MGMT: variants seen among roughly 807,000 people sequenced by gnomAD.
MGMT encodes the protein methylated-DNA--protein-cysteine methyltransferase.
MGMT carries 14 observed loss-of-function variants against 15.9 expected under a neutral mutation model. The observed-to-expected ratio is 0.88, with a 90% CI of 0.58 to 1.37. The LOEUF (loss-of-function observed/expected upper bound fraction) is 1.37, where lower values mean the gene tolerates loss of function less well. Among genes scored for constraint, MGMT ranks in the 40% most tolerant of loss-of-function variants. The pLI is 0.00. For synonymous variants in MGMT, 130 were observed against 118.2 expected (o/e 1.10, Z -0.65); for missense variants, 282 against 268.1 (o/e 1.05, Z -0.36).
At chr10:129,634,024 G>A (rs1197208932) in intron 2 of MGMT, among the ~76,000 whole-genome samples, 1 of 152,068 alleles carries the variant, frequency 6.6e-6, no homozygotes, top group Non-Finnish European at 1.5e-5. Flanking sequence ...CTTTCTCATT[G>A]CACTGGTCTA....
intron 3 of MGMT, among the ~76,000 whole-genome samples, chr10:129,709,163 G>T (rs1848202242): frequency 6.6e-6 from 1 of 152,188 alleles, no homozygotes; most frequent in South Asian, 2.1e-4. Flanking sequence ...GGGCAGATAG[G>T]AAGCTAGAGT....
chr10:129,681,346 A>G (rs539829028), intron 2 of MGMT, among the ~76,000 whole-genome samples: 1 of 152,146 alleles, frequency 6.6e-6, no homozygotes, highest in Non-Finnish European at 1.5e-5. Context: ...GCAGCACGCC[A>G]TGTTTCCGTC....
intron 1 of MGMT, among the ~76,000 whole-genome samples, chr10:129,528,509 G>A (rs1181986342): frequency 6.6e-6 from 1 of 151,976 alleles, no homozygotes; most frequent in African/African-American, 2.4e-5. Context: ...AGTGTGAGGG[G>A]CAGTGGCGGG....
chr10:129,597,758 G>C (rs1039131203), intron 2 of MGMT, among the ~76,000 whole-genome samples: 7 of 152,178 alleles, frequency 4.6e-5, no homozygotes, highest in African/African-American at 1.7e-4. Context: ...CTATTGAGTA[G>C]AGACCTCACA....
At chr10:129,541,791 C>CA (rs1487206779) in intron 2 of MGMT, among the ~76,000 whole-genome samples, 2 of 152,224 alleles carry the variant, frequency 1.3e-5, no homozygotes, top group African/African-American at 4.8e-5. Context: ...GGGGACTACA[C>CA]ACAGACTGTC....
At chr10:129,468,448 G>T (rs1160322549) in intron 1 of MGMT, among the ~76,000 whole-genome samples, 1 of 152,092 alleles carries the variant, frequency 6.6e-6, no homozygotes, top group Non-Finnish European at 1.5e-5. Context: ...GCTCTGCCGC[G>T]TGTCTTTCTT....
intron 2 of MGMT, among the ~76,000 whole-genome samples, chr10:129,693,523 C>T (rs1233140415): frequency 6.6e-6 from 1 of 152,144 alleles, no homozygotes; most frequent in African/African-American, 2.4e-5. Flanking sequence ...CATGTCCAGG[C>T]AGTAGGTGGA....
intron 3 of MGMT, among the ~76,000 whole-genome samples, chr10:129,719,802 C>T (rs989102796): frequency 2.0e-5 from 3 of 152,218 alleles, no homozygotes; most frequent in African/African-American, 4.8e-5. Flanking sequence ...ACACCCTTTC[C>T]GAGCCTCTGA....
At chr10:129,499,694 A>G (rs763096490) in intron 1 of MGMT, among the ~76,000 whole-genome samples, 4 of 152,228 alleles carry the variant, frequency 2.6e-5, no homozygotes, top group Non-Finnish European at 5.9e-5. Context: ...TTAAATTTTA[A>G]CATTAAGGGT....
intron 1 of MGMT, among the ~76,000 whole-genome samples, chr10:129,492,860 A>G (rs1401204176): frequency 2.0e-5 from 3 of 152,230 alleles, no homozygotes; most frequent in Admixed American, 2.0e-4. Context: ...TGGAAATGAA[A>G]GTCCATTCTG....
chr10:129,603,744 G>T (rs918695896), intron 2 of MGMT, among the ~76,000 whole-genome samples: 1 of 152,132 alleles, frequency 6.6e-6, no homozygotes, highest in African/African-American at 2.4e-5. Flanking sequence ...GCAGCTTGTC[G>T]GGCACAAAAA....
intron 1 of MGMT, among the ~76,000 whole-genome samples, chr10:129,505,561 G>A (rs957719819): frequency 6.6e-5 from 10 of 152,200 alleles, no homozygotes; most frequent in Admixed American, 1.3e-4. Context: ...GTGTGAGCAA[G>A]CTGGTCTTTT....
At chr10:129,598,158 C>T (rs1464760365) in intron 2 of MGMT, among the ~76,000 whole-genome samples, 1 of 152,148 alleles carries the variant, frequency 6.6e-6, no homozygotes, top group Non-Finnish European at 1.5e-5. Flanking sequence ...GTTCTCATGC[C>T]CAGCCTCAGG....
intron 1 of MGMT, among the ~76,000 whole-genome samples, chr10:129,513,653 T>G (rs1175110993): frequency 6.6e-6 from 1 of 152,186 alleles, no homozygotes; most frequent in Non-Finnish European, 1.5e-5. Context: ...ATCCTGGCCT[T>G]GGTGTTCAGC....
chr10:129,673,272 C>T (rs1173647220), intron 2 of MGMT, among the ~76,000 whole-genome samples: 2 of 151,960 alleles, frequency 1.3e-5, no homozygotes, highest in Non-Finnish European at 2.9e-5. Context: ...AAGCTGAGTT[C>T]AAATCCCACA....
intron 2 of MGMT, among the ~76,000 whole-genome samples, chr10:129,569,906 A>T (rs1846397813): frequency 6.6e-6 from 1 of 152,188 alleles, no homozygotes; most frequent in Non-Finnish European, 1.5e-5. Context: ...ATTCACACAA[A>T]CATTTGTTTT....
At chr10:129,714,434 A>T (rs1848269900) in intron 3 of MGMT, among the ~76,000 whole-genome samples, 1 of 152,224 alleles carries the variant, frequency 6.6e-6, no homozygotes, top group Admixed American at 6.5e-5. Flanking sequence ...TTCAACAATG[A>T]TTCATTCAAG....
intron 1 of MGMT, among the ~76,000 whole-genome samples, chr10:129,525,357 T>C (rs1356391627): frequency 2.6e-5 from 4 of 152,226 alleles, no homozygotes; most frequent in Non-Finnish European, 5.9e-5. Flanking sequence ...ATGGGTGATT[T>C]AAAGACCAGT....
chr10:129,483,514 C>A (rs950267079), intron 1 of MGMT, among the ~76,000 whole-genome samples: 4 of 152,050 alleles, frequency 2.6e-5, no homozygotes, highest in Admixed American at 1.3e-4. Flanking sequence ...CACCTGCATT[C>A]TTGAAAAAAT....
Sources: allele counts gnomAD v4.1 joint callset (sites outside exome capture counted in the v4.1 genomes callset), GRCh38; gene constraint gnomAD v4.1.1; transcripts MANE v1.5; gene names NCBI Gene and HGNC (gene_info 2026-07-23, HGNC 2026-07-21).